The following LRRC4C variants were observed in gnomAD, a reference collection of about 807,000 sequenced individuals.
The protein encoded by LRRC4C is leucine rich repeat containing 4C, also known as leucine-rich repeat-containing protein 4C.
Under a neutral mutation model 33.6 loss-of-function variants are expected in LRRC4C, and 5 were observed. The observed-to-expected ratio is 0.15, with a 90% confidence interval of 0.08 to 0.31. The LOEUF (loss-of-function observed/expected upper bound fraction) is 0.31, where lower values mean the gene tolerates loss of function less well. Ranked by LOEUF, LRRC4C falls within the 10% of genes least tolerant of loss-of-function variation. The pLI is 1.00. For synonymous variants in LRRC4C, 329 were observed against 302.0 expected, an observed-to-expected ratio of 1.09 and a Z score of -0.93; for missense variants, 560 against 796.7, an observed-to-expected ratio of 0.70 and a Z score of 3.58.
chr11:41,192,250 G>T (rs946454346), intron 1 of LRRC4C, among the ~76,000 whole-genome samples: 1 of 152,016 alleles, frequency 6.6e-6, no homozygotes, highest in African/African-American at 2.4e-5. Context: ...TAAGCCCCAG[G>T]AGAGCACATA....
intron 2 of LRRC4C, among the ~76,000 whole-genome samples, chr11:40,815,400 G>A (rs1247631936): frequency 6.6e-6 from 1 of 152,094 alleles, no homozygotes; most frequent in South Asian, 2.1e-4. Flanking sequence ...TGAGATTTGG[G>A]TGGGCCACAG....
At chr11:40,478,516 C>A (rs1329032690) in intron 3 of LRRC4C, among the ~76,000 whole-genome samples, 1 of 152,012 alleles carries the variant, frequency 6.6e-6, no homozygotes, top group Admixed American at 6.6e-5. Context: ...GGTGAGATTG[C>A]AAGTTAAGAA....
At chr11:40,710,392 T>C (rs1001995975) in intron 2 of LRRC4C, among the ~76,000 whole-genome samples, 1 of 152,166 alleles carries the variant, frequency 6.6e-6, no homozygotes, top group African/African-American at 2.4e-5. Context: ...ATATCCTTTT[T>C]GTTGATGTTG....
In LRRC4C at chr11:41,410,719, C is replaced by G. The variant is rs535700763; in HGVS notation, c.-496+48712G>C. On this transcript the variant is annotated intron_variant, in intron 1 of 6. Coordinates refer to ENST00000528697, the MANE Select transcript of LRRC4C (RefSeq NM_001258419.2). The stretch of plus-strand genomic sequence containing the variant: ...CCTCCCAAAATGATGGGATTATAGG[C>G]ATGAGCCACCGCGCCTGGCCGAGAA... Among the ~76,000 whole-genome samples the G allele has an allele frequency of 8.5e-5, 13 of 152,276 alleles. No individual in the cohort carries two copies. The South Asian group carries it at 2.7e-3, about 32-fold the overall frequency.
intron 1 of LRRC4C, among the ~76,000 whole-genome samples, chr11:41,005,693 T>A (rs1168707781): frequency 1.3e-5 from 2 of 152,116 alleles, no homozygotes; most frequent in African/African-American, 2.4e-5. Flanking sequence ...CCTGCTGGCT[T>A]CCCTTTGCCT....
intron 2 of LRRC4C, among the ~76,000 whole-genome samples, chr11:40,709,547 G>T (rs967699534): frequency 1.3e-5 from 2 of 152,132 alleles, no homozygotes; most frequent in Admixed American, 6.5e-5. Flanking sequence ...CTCTCTTCTG[G>T]CTTGTAGGTT....
chr11:40,225,460 A>G (rs1439671957), intron 5 of LRRC4C, among the ~76,000 whole-genome samples: 1 of 152,188 alleles, frequency 6.6e-6, no homozygotes, highest in Admixed American at 6.5e-5. Context: ...TAAGTATGGT[A>G]ATATCTGGAA....
intron 1 of LRRC4C, among the ~76,000 whole-genome samples, chr11:41,071,326 T>C (rs1017783901): frequency 6.6e-6 from 1 of 152,050 alleles, no homozygotes; most frequent in Non-Finnish European, 1.5e-5. Context: ...AGATGACAGG[T>C]TGATAGGTGC....
At chr11:41,158,208 T>C (rs1246521392) in intron 1 of LRRC4C, among the ~76,000 whole-genome samples, 2 of 152,122 alleles carry the variant, frequency 1.3e-5, no homozygotes, top group East Asian at 3.8e-4. Context: ...TTTGCTAAAG[T>C]TGACACAGGG....
At chr11:40,334,141 C>T (rs897210051) in intron 3 of LRRC4C, among the ~76,000 whole-genome samples, 1 of 152,100 alleles carries the variant, frequency 6.6e-6, no homozygotes, top group Non-Finnish European at 1.5e-5. Context: ...AGTATGTATA[C>T]AGAGGATGCC....
Position 41,246,445 on chromosome 11 carries a change from T to C in LRRC4C, c.-496+212986A>G, listed in dbSNP as rs1948454969. Among the ~76,000 whole-genome samples the C allele has an allele frequency of 2.0e-5, 3 of 152,282 alleles. No homozygotes were observed. The South Asian group carries it at 6.2e-4, about 32-fold the overall frequency. On this transcript the variant is annotated intron_variant, in intron 1 of 6. Transcript: ENST00000528697. ...GCTTGTAGGGGTAGGGGGGCTTCCT[T>C]GGCCCCTGAGAGTGCAGAGATGCCC...
intron 1 of LRRC4C, among the ~76,000 whole-genome samples, chr11:41,343,405 A>G (rs1245353759): frequency 6.6e-6 from 1 of 152,214 alleles, no homozygotes; most frequent in African/African-American, 2.4e-5. Flanking sequence ...AGCCACTGAA[A>G]AATGTCCTTC....
chr11:40,753,176 A>G (rs1948781629), intron 2 of LRRC4C, among the ~76,000 whole-genome samples: 1 of 152,018 alleles, frequency 6.6e-6, no homozygotes, highest in Admixed American at 6.6e-5. Flanking sequence ...GAGGTTGGTG[A>G]ATAGGTACAA....
intron 1 of LRRC4C, among the ~76,000 whole-genome samples, chr11:41,397,205 T>C (rs1009642357): frequency 2.0e-5 from 3 of 151,914 alleles, no homozygotes; most frequent in African/African-American, 7.2e-5. Context: ...GCAGGTCCAC[T>C]TATACACAAA....
At chr11:40,192,594 C>T (rs753761886) in intron 5 of LRRC4C, among the ~76,000 whole-genome samples, 16 of 152,096 alleles carry the variant, frequency 1.1e-4, no homozygotes, top group Non-Finnish European at 1.6e-4. Context: ...GGAACACCAG[C>T]GAGACAGAAC....
intron 1 of LRRC4C, among the ~76,000 whole-genome samples, chr11:41,384,234 A>T (rs2137922006): frequency 6.6e-6 from 1 of 152,042 alleles, no homozygotes; most frequent in Admixed American, 6.6e-5. Context: ...CTTCATTAGG[A>T]GGTAGTAAAT....
chr11:40,779,419 C>T (rs910625729), intron 2 of LRRC4C, among the ~76,000 whole-genome samples: 12 of 152,046 alleles, frequency 7.9e-5, no homozygotes, highest in African/African-American at 2.9e-4. Flanking sequence ...ATTTCACTTG[C>T]ATAACTTACA....
At chr11:41,135,090 T>C (rs1943197378) in intron 1 of LRRC4C, among the ~76,000 whole-genome samples, 1 of 152,018 alleles carries the variant, frequency 6.6e-6, no homozygotes, top group Non-Finnish European at 1.5e-5. Context: ...CTGACTAAAA[T>C]CACAGTCCAT....
chr11:40,793,581 T>C (rs191633062), intron 2 of LRRC4C, among the ~76,000 whole-genome samples: 127 of 152,306 alleles, frequency 8.3e-4, no homozygotes, highest in Middle Eastern at 3.4e-3. Context: ...CTACTTTGAC[T>C]CTTATTTTAC....
Sources: gnomAD v4.1 joint callset for allele counts (sites outside exome capture counted in the v4.1 genomes callset) on GRCh38, gnomAD v4.1.1 for gene constraint, MANE v1.5 for transcripts, NCBI Gene and HGNC (gene_info 2026-07-23, HGNC 2026-07-21) for gene names.